Variants in WDR27 observed in about 807,000 individuals in gnomAD.
The protein encoded by WDR27 is WD repeat-containing protein 27.
WDR27 carries 100 observed loss-of-function variants against 114.4 expected under a neutral mutation model. That is an observed-to-expected ratio of 0.87 (90% CI 0.74 to 1.03). The LOEUF is 1.03. Ranked by LOEUF, WDR27 falls within the 50% of genes least tolerant of loss-of-function variation. The pLI is 0.00. For synonymous variants in WDR27, 449 were observed against 423.1 expected (o/e 1.06, Z -0.75); for missense variants, 1,129 against 1,092.9 (o/e 1.03, Z -0.47).
In WDR27 at chr6:169,670,613, C is replaced by A; in HGVS notation, c.412G>T (p.Val138Phe). 6.2e-7 allele frequency: 1 copy of A among 1,613,994 alleles called. No individual in the cohort carries two copies. Among genetic ancestry groups the A allele is most frequent in the Non-Finnish European group, 8.5e-7 (1 of 1,179,900 alleles). Residue 138 changes from valine (V) to phenylalanine (F), a missense_variant, in exon 4 of 26, where the codon GTT (valine) becomes TTT (phenylalanine). By Grantham distance (50) the Val-to-Phe change is conservative (BLOSUM62 -1). Transcript: ENST00000448612. ...ATTTTGTTTCCAGCACACACGGCAACAACATGATCATCCAGGCTCAACTGT... is the reference window on the plus strand; with the variant it reads ...ATTTTGTTTCCAGCACACACGGCAAAAACATGATCATCCAGGCTCAACTGT... ...CLQLSLDDHV[V>F]AVCAGNKIFM...
chr6:169,642,086 A>G (rs917788106), intron 17 of WDR27, among the ~76,000 whole-genome samples: 1 of 152,228 alleles, frequency 6.6e-6, no homozygotes, highest in Non-Finnish European at 1.5e-5. Flanking sequence ...ACCTGACTGT[A>G]TGCTCAGAGG....
chr6:169,603,538 T>G (rs571335347), intron 22 of WDR27, among the ~76,000 whole-genome samples: 1 of 152,372 alleles, frequency 6.6e-6, no homozygotes, highest in East Asian at 1.9e-4. Flanking sequence ...GGTCTTTGTT[T>G]TCCTTTAACA....
At chr6:169,506,940 C>T (rs1444176373) in intron 25 of WDR27, among the ~76,000 whole-genome samples, 1 of 152,166 alleles carries the variant, frequency 6.6e-6, no homozygotes, top group Non-Finnish European at 1.5e-5. Flanking sequence ...CTTTAAACTA[C>T]CTTATTATGT....
intron 10 of WDR27, among the ~76,000 whole-genome samples, chr6:169,660,366 T>C (rs1325557119): frequency 6.6e-6 from 1 of 152,010 alleles, no homozygotes; most frequent in Non-Finnish European, 1.5e-5. Flanking sequence ...TTCCCAAGGG[T>C]GTTCCTGCAG....
chr6:169,585,542 T>C (rs7451655), intron 23 of WDR27, among the ~76,000 whole-genome samples: 13,583 of 152,254 alleles, frequency 0.089, 1,700 homozygotes, highest in East Asian at 0.58. Flanking sequence ...CCAAAAACTT[T>C]ACTCATAACC....
At chr6:169,657,326 A>C (rs371630679) in intron 13 of WDR27, among the ~76,000 whole-genome samples, 10 of 152,334 alleles carry the variant, frequency 6.6e-5, no homozygotes, top group South Asian at 4.1e-4. Flanking sequence ...GAAGTCCCCG[A>C]AGTCAAGCTC....
intron 7 of WDR27, chr6:169,664,820 G>A (rs1827319796): frequency 5.0e-6 from 5 of 994,782 alleles, no homozygotes; most frequent in Non-Finnish European, 6.0e-6. Flanking sequence ...TCAACAGTGT[G>A]TAAAGATGAC....
intron 21 of WDR27, among the ~76,000 whole-genome samples, chr6:169,621,375 T>C (rs931429309): frequency 6.7e-6 from 1 of 149,890 alleles, no homozygotes; most frequent in Admixed American, 6.6e-5. Flanking sequence ...CATGCATGCA[T>C]GTAGACATAC....
At chr6:169,437,327 A>G in the WDR27 span, among the ~76,000 whole-genome samples, 4 of 152,284 alleles carry the variant, frequency 2.6e-5, no homozygotes, top group African/African-American at 7.2e-5. Flanking sequence ...CTGGTACTCT[A>G]TGTTTGAAAT....
chr6:169,624,949 T>C (rs1814410418), intron 21 of WDR27, among the ~76,000 whole-genome samples: 2 of 152,218 alleles, frequency 1.3e-5, no homozygotes, highest in African/African-American at 2.4e-5. Context: ...CAGTCAACTG[T>C]GGCAGCCCTC....
intron 22 of WDR27, among the ~76,000 whole-genome samples, chr6:169,613,215 C>T (rs1811012355): frequency 6.6e-6 from 1 of 152,122 alleles, no homozygotes; most frequent in Non-Finnish European, 1.5e-5. Flanking sequence ...TGCTCGGTGC[C>T]TAGTGGATGG....
chr6:169,654,674 C>G (rs1038697769), intron 13 of WDR27, among the ~76,000 whole-genome samples: 1 of 151,766 alleles, frequency 6.6e-6, no homozygotes, highest in Non-Finnish European at 1.5e-5. Flanking sequence ...AAGCACACGC[C>G]TAAGTGAGAA....
chr6:169,482,539 T>G (rs1309465401), intron 25 of WDR27, among the ~76,000 whole-genome samples: 1 of 152,224 alleles, frequency 6.6e-6, no homozygotes, highest in Non-Finnish European at 1.5e-5. Context: ...CAAAGCAAGT[T>G]CTTAGAGACC....
chr6:169,602,298 T>C lies in WDR27; in HGVS notation c.2345A>G (p.His782Arg), dbSNP rs544836885. ...TLRCERHFEG[H>R]PTRGYPCGIA... ...TCCACATGGATAGCCGCGGGTTGGA[T>C]GCCCTTCAAAGTGGCGCTCACACCT... Residue 782 changes from histidine to arginine, a missense_variant, in exon 23 of 26, where the codon CAT becomes CGT. Transcript: ENST00000448612. 2.2e-5 allele frequency: 34 copies of C among 1,561,016 alleles called. No homozygotes were observed. The South Asian group carries it at 3.6e-4, about 16-fold the overall frequency.
intron 25 of WDR27, among the ~76,000 whole-genome samples, chr6:169,520,857 A>G (rs1241332737): frequency 6.6e-6 from 1 of 152,182 alleles, no homozygotes; most frequent in Non-Finnish European, 1.5e-5. Flanking sequence ...AAAAAATGAA[A>G]AGCAATGAAG....
intron 21 of WDR27, among the ~76,000 whole-genome samples, chr6:169,624,145 G>A (rs146997582): frequency 0.037 from 5,653 of 151,520 alleles, 282 homozygotes; most frequent in African/African-American, 0.11. Flanking sequence ...CAGGTGTGCC[G>A]TGTGGGGCGT....
intron 23 of WDR27, among the ~76,000 whole-genome samples, chr6:169,587,975 G>C (rs773766414): frequency 5.3e-5 from 8 of 152,202 alleles, no homozygotes; most frequent in Non-Finnish European, 1.2e-4. Flanking sequence ...AGAAGGTTCA[G>C]CATCTCCAGG....
intron 25 of WDR27, among the ~76,000 whole-genome samples, chr6:169,564,214 T>A (rs1208423627): frequency 6.6e-6 from 1 of 152,180 alleles, no homozygotes; most frequent in Non-Finnish European, 1.5e-5. Context: ...GCAGGAAGCA[T>A]CCAGCATGGG....
chr6:169,670,406 G>A, intron 4 of WDR27, 163 bp downstream of exon 4: 1 of 675,808 alleles, frequency 1.5e-6, no homozygotes, highest in South Asian at 3.1e-5. Context: ...TTTTCCAATT[G>A]CAAGATAAAG....
Sources: allele counts gnomAD v4.1 joint callset (sites outside exome capture counted in the v4.1 genomes callset), GRCh38; gene constraint gnomAD v4.1.1; transcripts MANE v1.5; gene names NCBI Gene and HGNC (gene_info 2026-07-23, HGNC 2026-07-21).